MYCBP2: variants seen among roughly 807,000 people sequenced by gnomAD.
MYCBP2 encodes the protein MYC binding protein 2.
Under a neutral mutation model 525.3 loss-of-function variants are expected in MYCBP2, and 120 were observed. The ratio of observed to expected loss-of-function variants is 0.23; its 90% CI spans 0.20 to 0.27. MYCBP2 has a LOEUF of 0.27. Ranked by LOEUF, MYCBP2 falls within the 10% of genes least tolerant of loss-of-function variation. The pLI, the probability that MYCBP2 is intolerant of heterozygous loss-of-function variation, is 1.00. For missense variants in MYCBP2, 4,149 were observed against 5,657.1 expected, an observed-to-expected ratio of 0.73 and a Z score of 8.55; for synonymous variants, 1,894 against 1,955.8, an observed-to-expected ratio of 0.97 and a Z score of 0.83.
At chr13:77,133,573 ATAT>A (rs2053262641) in intron 52 of MYCBP2, among the ~76,000 whole-genome samples, 1 of 152,204 alleles carries the variant, frequency 6.6e-6, no homozygotes, top group Admixed American at 6.5e-5. Flanking sequence ...AGAAAAACAA[ATAT>A]TATGGGTAGC....
chr13:77,244,770 A>AC (rs1241074748), intron 15 of MYCBP2, among the ~76,000 whole-genome samples: 1 of 152,248 alleles, frequency 6.6e-6, no homozygotes, highest in Non-Finnish European at 1.5e-5. Flanking sequence ...TACTCATCTG[A>AC]CAAAGGGCTA....
chr13:77,145,550 C>T (rs994023913), intron 48 of MYCBP2, among the ~76,000 whole-genome samples: 1 of 152,094 alleles, frequency 6.6e-6, no homozygotes, highest in Admixed American at 6.6e-5. Context: ...GAGTTTCAAA[C>T]TGGTATTTCC....
rs148666671 is a variant in MYCBP2, at chr13:77,064,263, C to T, written c.12672+352G>A. 1.9e-3 allele frequency among the ~76,000 whole-genome samples: 293 copies of T among 152,330 alleles called. 1 individual carries two copies. The highest frequency in any genetic ancestry group is 5.9e-3 in the Admixed American group (90 of 15,304). On this transcript the variant is annotated intron_variant, in intron 73 of 82. Transcript: ENST00000544440. ...AGGGGTCTTGTCTCCAAAGGACCTTCGGTCTATCACAGCATAATGCTGGCA... is the reference window on the plus strand; with the variant it reads ...AGGGGTCTTGTCTCCAAAGGACCTTTGGTCTATCACAGCATAATGCTGGCA...
intron 37 of MYCBP2, among the ~76,000 whole-genome samples, 173 bp from the exon 38 acceptor site, chr13:77,171,807 C>G (rs1424302113): frequency 6.6e-6 from 1 of 152,104 alleles, no homozygotes; most frequent in African/African-American, 2.4e-5. Context: ...TGAAGAAAAA[C>G]AAAGCAGCAT....
chr13:77,237,743 A>G (rs997274385), intron 17 of MYCBP2, among the ~76,000 whole-genome samples: 1 of 152,186 alleles, frequency 6.6e-6, no homozygotes, highest in Admixed American at 6.5e-5. Context: ...TAAGTAAAAA[A>G]GTGTGAGAAG....
Position 77,064,748 on chromosome 13 carries a change from C to T in MYCBP2, c.12553-14G>A. 1 of 1,604,674 alleles carries T rather than the reference C, an allele frequency of 6.2e-7. No individual in the cohort carries two copies. The highest frequency in any genetic ancestry group is 1.7e-5 in the Admixed American group (1 of 58,736). On this transcript the variant is annotated splice_polypyrimidine_tract_variant and intron_variant, in intron 72 of 82. Coordinates refer to ENST00000544440, the MANE Select transcript of MYCBP2 (RefSeq NM_015057.5). ...TGACAGATGACCCTATTGAGCAGAA[C>T]AGAGTATTTTAATAAGTGACCAGAA...
intron 62 of MYCBP2, among the ~76,000 whole-genome samples, chr13:77,083,783 ACAT>A (rs2043738515): frequency 6.6e-6 from 1 of 152,074 alleles, no homozygotes; most frequent in Non-Finnish European, 1.5e-5. Flanking sequence ...TAGATAACAC[ACAT>A]CATAATAAAA....
At chr13:77,324,908 A>C (rs2082110580) in intron 1 of MYCBP2, among the ~76,000 whole-genome samples, 1 of 152,270 alleles carries the variant, frequency 6.6e-6, no homozygotes, top group African/African-American at 2.4e-5. Flanking sequence ...GCCATAATTT[A>C]GAGATTTACA....
At chr13:77,049,922 C>A (rs2036412331) in intron 82 of MYCBP2, among the ~76,000 whole-genome samples, 1 of 152,176 alleles carries the variant, frequency 6.6e-6, no homozygotes, top group South Asian at 2.1e-4. Flanking sequence ...AGGTGTCAGT[C>A]ACACCACTTG....
chr13:77,172,272 C>G (rs1406754065), intron 37 of MYCBP2, among the ~76,000 whole-genome samples: 1 of 151,650 alleles, frequency 6.6e-6, no homozygotes, highest in African/African-American at 2.4e-5. Context: ...AAGGAACATA[C>G]TGGTGAATTA....
At chr13:77,236,025 C>T (rs923990577) in intron 17 of MYCBP2, among the ~76,000 whole-genome samples, 1 of 152,252 alleles carries the variant, frequency 6.6e-6, no homozygotes, top group East Asian at 1.9e-4. Context: ...CAGAGAAGTG[C>T]TACTGATCTG....
chr13:77,223,188 G>A (rs776954099), intron 20 of MYCBP2, among the ~76,000 whole-genome samples: 1 of 152,124 alleles, frequency 6.6e-6, no homozygotes, highest in Non-Finnish European at 1.5e-5. Flanking sequence ...GAGGACATTC[G>A]TCCCCTGGGG....
chr13:77,094,595 C>G (rs2045956374), intron 58 of MYCBP2, among the ~76,000 whole-genome samples: 1 of 152,150 alleles, frequency 6.6e-6, no homozygotes, highest in Non-Finnish European at 1.5e-5. Flanking sequence ...AGTAGCCAGT[C>G]CTTTAACAAC....
chr13:77,066,185 ATTT>A, intron 71 of MYCBP2, 97 bp from the exon 72 acceptor site: 3 of 828,760 alleles, frequency 3.6e-6, no homozygotes, highest in Non-Finnish European at 5.7e-6. Flanking sequence ...AGCATTTTAG[ATTT>A]TTAAGTGACT....
chr13:77,259,377 G>C (rs1226927956), intron 13 of MYCBP2, among the ~76,000 whole-genome samples: 1 of 152,120 alleles, frequency 6.6e-6, no homozygotes, highest in East Asian at 1.9e-4. Flanking sequence ...TCCTCAAAAA[G>C]GCAGTATCCA....
intron 32 of MYCBP2, among the ~76,000 whole-genome samples, chr13:77,184,398 A>G (rs1311212402): frequency 3.9e-5 from 6 of 152,248 alleles, no homozygotes; most frequent in Non-Finnish European, 8.8e-5. Context: ...TTTATGGTCT[A>G]GCATATGATC....
intron 49 of MYCBP2, among the ~76,000 whole-genome samples, chr13:77,141,177 C>A (rs1418193712): frequency 6.6e-6 from 1 of 152,036 alleles, no homozygotes; most frequent in Non-Finnish European, 1.5e-5. Flanking sequence ...GGCTCCCTAT[C>A]TTTAACTAGA....
chr13:77,162,915 A>G (rs566106500), intron 43 of MYCBP2, among the ~76,000 whole-genome samples: 1 of 152,342 alleles, frequency 6.6e-6, no homozygotes, highest in African/African-American at 2.4e-5. Flanking sequence ...TTGGCCTCAC[A>G]AAGTGCTGGG....
At chr13:77,241,430 T>C (rs1023140432) in intron 17 of MYCBP2, among the ~76,000 whole-genome samples, 1 of 152,112 alleles carries the variant, frequency 6.6e-6, no homozygotes, top group African/African-American at 2.4e-5. Context: ...GGTTCATTCA[T>C]GTCGCTCAAC....
Sources: allele counts gnomAD v4.1 joint callset (sites outside exome capture counted in the v4.1 genomes callset), GRCh38; gene constraint gnomAD v4.1.1; transcripts MANE v1.5; gene names NCBI Gene and HGNC (gene_info 2026-07-23, HGNC 2026-07-21).